CADM1: variants seen among roughly 807,000 people sequenced by gnomAD.
CADM1 encodes the protein cell adhesion molecule 1.
Under a neutral mutation model 53.1 loss-of-function variants are expected in CADM1, and 15 were observed. The observed-to-expected ratio is 0.28, with a 90% CI of 0.19 to 0.44. CADM1 has a LOEUF of 0.44. Among genes scored for constraint, CADM1 ranks in the 20% least tolerant of loss-of-function variants. The probability of loss-of-function intolerance (pLI) is 1.00; values close to 1 mark genes in which losing one functional copy is unlikely to be tolerated. For synonymous variants in CADM1, 281 were observed against 243.0 expected (o/e 1.16, Z -1.45); for missense variants, 434 against 611.3 (o/e 0.71, Z 3.06).
At chr11:115,387,675 A>C (rs1591769287) in intron 1 of CADM1, among the ~76,000 whole-genome samples, 1 of 152,290 alleles carries the variant, frequency 6.6e-6, no homozygotes, top group Non-Finnish European at 1.5e-5. Context: ...CTGTGGAAGA[A>C]TAATACATTA....
At chr11:115,286,162 CT>C (rs1485109820) in intron 1 of CADM1, among the ~76,000 whole-genome samples, 1 of 152,092 alleles carries the variant, frequency 6.6e-6, no homozygotes, top group African/African-American at 2.4e-5. Context: ...TTTATATAAT[CT>C]TTTTAAATTA....
intron 1 of CADM1, among the ~76,000 whole-genome samples, chr11:115,478,475 G>A (rs1163263659): frequency 6.6e-6 from 1 of 152,030 alleles, no homozygotes; most frequent in Admixed American, 6.6e-5. Context: ...AAAACAAAGA[G>A]TAAATAAACG....
At chr11:115,425,495 C>A (rs559516739) in intron 1 of CADM1, among the ~76,000 whole-genome samples, 1 of 152,172 alleles carries the variant, frequency 6.6e-6, no homozygotes, top group Non-Finnish European at 1.5e-5. Context: ...GCTAGGTAAC[C>A]GCATCGTAAC....
chr11:115,326,600 AATTT>A (rs1459916889), intron 1 of CADM1, among the ~76,000 whole-genome samples: 1 of 152,214 alleles, frequency 6.6e-6, no homozygotes. Context: ...CTCAGAAACT[AATTT>A]AAGATTTCCA....
chr11:115,369,938 G>A (rs1373940027), intron 1 of CADM1, among the ~76,000 whole-genome samples: 1 of 152,128 alleles, frequency 6.6e-6, no homozygotes, highest in Non-Finnish European at 1.5e-5. Flanking sequence ...CAACAAATCT[G>A]TCCTTTAAGA....
chr11:115,183,052 C>T (rs1939384973), intron 10 of CADM1, among the ~76,000 whole-genome samples: 1 of 152,156 alleles, frequency 6.6e-6, no homozygotes, highest in South Asian at 2.1e-4. Context: ...CCCCAAACTG[C>T]TCAGATTTCT....
Position 115,261,603 on chromosome 11 carries a change from G to A in CADM1, c.125-21183C>T, listed in dbSNP as rs151267514. Among the ~76,000 whole-genome samples the A allele has an allele frequency of 1.5e-3, 228 of 152,160 alleles. 2 individuals are homozygous for A. In the East Asian group the frequency reaches 0.036, roughly 24 times the overall value. ...ATTTTAATTACTATCTTATGTGTCCGTCATATAGGAATACGAGAAGTCATT... is the reference window on the plus strand; with the variant it reads ...ATTTTAATTACTATCTTATGTGTCCATCATATAGGAATACGAGAAGTCATT... On this transcript the variant is annotated intron_variant, in intron 1 of 11. Coordinates refer to ENST00000331581, the MANE Select transcript of CADM1 (RefSeq NM_001301043.2).
intron 1 of CADM1, among the ~76,000 whole-genome samples, chr11:115,320,618 G>C (rs1944798108): frequency 1.3e-5 from 2 of 151,890 alleles, no homozygotes; most frequent in African/African-American, 4.8e-5. Context: ...AAGAAGAATT[G>C]CAGAATTAGT....
chr11:115,407,817 A>G (rs1293426483), intron 1 of CADM1, among the ~76,000 whole-genome samples: 2 of 133,240 alleles, frequency 1.5e-5, no homozygotes, highest in African/African-American at 5.6e-5. Context: ...GGCTGCAGTG[A>G]GCCATACCAT....
At chr11:115,473,990 G>C (rs1591282507) in intron 1 of CADM1, among the ~76,000 whole-genome samples, 1 of 151,936 alleles carries the variant, frequency 6.6e-6, no homozygotes, top group East Asian at 1.9e-4. Context: ...AAATGGCCTA[G>C]TTTTTAAAAA....
intron 1 of CADM1, among the ~76,000 whole-genome samples, chr11:115,305,489 A>T (rs752432032): frequency 2.6e-5 from 4 of 151,868 alleles, no homozygotes; most frequent in Non-Finnish European, 5.9e-5. Context: ...TCTACTGCTT[A>T]TTCTCTGCAC....
chr11:115,500,916 G>A (rs556288468), intron 1 of CADM1, among the ~76,000 whole-genome samples: 227 of 152,310 alleles, frequency 1.5e-3, no homozygotes, highest in Middle Eastern at 0.01. Context: ...AGTGAGAGAG[G>A]AAACGAAAGT....
At chr11:115,251,653 T>C (rs1398287884) in intron 1 of CADM1, among the ~76,000 whole-genome samples, 1 of 152,192 alleles carries the variant, frequency 6.6e-6, no homozygotes, top group Non-Finnish European at 1.5e-5. Context: ...ATTTCTTAGC[T>C]GGAAAACTGG....
intron 6 of CADM1, among the ~76,000 whole-genome samples, chr11:115,215,609 T>C (rs1941147749): frequency 6.6e-6 from 1 of 152,174 alleles, no homozygotes; most frequent in South Asian, 2.1e-4. Flanking sequence ...CAAGTTTGTT[T>C]TAGTGATTTA....
chr11:115,323,305 C>T (rs1289888787), intron 1 of CADM1, among the ~76,000 whole-genome samples: 1 of 152,100 alleles, frequency 6.6e-6, no homozygotes, highest in Non-Finnish European at 1.5e-5. Flanking sequence ...AATATTGTAT[C>T]TATAATCTTC....
chr11:115,301,328 T>C lies in CADM1; in HGVS notation c.125-60908A>G, dbSNP rs150045063. Among the ~76,000 whole-genome samples, 790 of 152,096 alleles carry C rather than the reference T, an allele frequency of 5.2e-3. 9 individuals are homozygous for C. Among genetic ancestry groups the C allele is most frequent in the African/African-American group, 0.018 (736 of 41,510 alleles). On this transcript the variant is annotated intron_variant, in intron 1 of 11. Coordinates refer to ENST00000331581, the MANE Select transcript of CADM1 (RefSeq NM_001301043.2). ...TGTATGACACAGCCCGGGAGGGAAA[T>C]AGGCATGACAGTAATGAGACTTGGG...
At chr11:115,477,660 T>C (rs754749717) in intron 1 of CADM1, among the ~76,000 whole-genome samples, 2 of 152,232 alleles carry the variant, frequency 1.3e-5, no homozygotes, top group Non-Finnish European at 2.9e-5. Context: ...AGCTTATACA[T>C]TGAAAATGGC....
intron 1 of CADM1, among the ~76,000 whole-genome samples, chr11:115,327,520 GTT>G (rs59245845): frequency 6.7e-6 from 1 of 150,240 alleles, no homozygotes; most frequent in South Asian, 2.1e-4. Context: ...ATACATAAGA[GTT>G]TTTTTTTTAA....
At chr11:115,490,708 T>A (rs181250900) in intron 1 of CADM1, among the ~76,000 whole-genome samples, 2 of 152,266 alleles carry the variant, frequency 1.3e-5, no homozygotes, top group Admixed American at 1.3e-4. Flanking sequence ...AGAACAGATG[T>A]GAAGTTCAGT....
Sources: gnomAD v4.1 joint callset for allele counts (sites outside exome capture counted in the v4.1 genomes callset) on GRCh38, gnomAD v4.1.1 for gene constraint, MANE v1.5 for transcripts, NCBI Gene and HGNC (gene_info 2026-07-23, HGNC 2026-07-21) for gene names.